Variants in TCF7L1 observed in about 807,000 individuals in gnomAD.
TCF7L1 encodes transcription factor 7-like 1.
A neutral mutation model predicts 63.7 loss-of-function variants in TCF7L1; 18 were observed. The observed-to-expected ratio is 0.28, with a 90% confidence interval of 0.20 to 0.42. The LOEUF is 0.42. TCF7L1 is among the 10% of genes least tolerant of loss of function. The pLI is 1.00. For synonymous variants in TCF7L1, 355 were observed against 340.9 expected, an observed-to-expected ratio of 1.04 and a Z score of -0.46; for missense variants, 654 against 779.3, an observed-to-expected ratio of 0.84 and a Z score of 1.91.
At chr2:85,241,437 GTTTTTTTTTTTTTT>G (rs772334481) in intron 3 of TCF7L1, among the ~76,000 whole-genome samples, 7 of 83,030 alleles carry the variant, frequency 8.4e-5, no homozygotes, top group South Asian at 5.0e-4. Flanking sequence ...CTTTGTTTTT[GTTTTTTTTTTTTTT>G]TTTTTTTTTT....
intron 3 of TCF7L1, among the ~76,000 whole-genome samples, chr2:85,241,544 T>A (rs890456255): frequency 4.7e-5 from 7 of 149,786 alleles, no homozygotes; most frequent in Non-Finnish European, 7.4e-5. Context: ...CCTCCCGGGT[T>A]CAAGCGATTC....
chr2:85,228,884 G>T (rs1190382687), intron 3 of TCF7L1, among the ~76,000 whole-genome samples: 2 of 151,544 alleles, frequency 1.3e-5, no homozygotes, highest in Admixed American at 1.3e-4. Flanking sequence ...AGCCGGGGAG[G>T]GTGGTGGGCG....
At chr2:85,194,191 C>T (rs1436627453) in intron 3 of TCF7L1, among the ~76,000 whole-genome samples, 1 of 152,078 alleles carries the variant, frequency 6.6e-6, no homozygotes, top group Non-Finnish European at 1.5e-5. Flanking sequence ...GGAGGGATTA[C>T]CTTCGGGAAA....
intron 8 of TCF7L1, among the ~76,000 whole-genome samples, chr2:85,305,605 G>A (rs531115436): frequency 1.3e-5 from 2 of 152,246 alleles, no homozygotes; most frequent in South Asian, 2.1e-4. Context: ...GGGACATGGT[G>A]CATCTTCTCT....
At chr2:85,222,001 G>A (rs995217701) in intron 3 of TCF7L1, among the ~76,000 whole-genome samples, 1 of 151,270 alleles carries the variant, frequency 6.6e-6, no homozygotes, top group Non-Finnish European at 1.5e-5. Context: ...CGTGGGCAGG[G>A]TGGAAATAGG....
rs145821032 is a variant in TCF7L1, at chr2:85,160,046, C to G, written c.441+25596C>G. On this transcript the variant is annotated intron_variant, in intron 3 of 11. Coordinates refer to ENST00000282111, the MANE Select transcript of TCF7L1 (RefSeq NM_031283.3). Reference sequence around the variant, plus strand: ...GTGCTTTTCTCACTCTACCTAAAGGCTTTTTTCCTTTCAAAAATTTTAAAT... The same window carrying G: ...GTGCTTTTCTCACTCTACCTAAAGGGTTTTTTCCTTTCAAAAATTTTAAAT... Among the ~76,000 whole-genome samples the G allele has an allele frequency of 8.8e-3, 1,346 of 152,310 alleles. 19 individuals are homozygous for G. Among genetic ancestry groups the G allele is most frequent in the African/African-American group, 0.031 (1,270 of 41,562 alleles).
At chr2:85,205,836 C>T (rs2104283674) in intron 3 of TCF7L1, among the ~76,000 whole-genome samples, 1 of 152,266 alleles carries the variant, frequency 6.6e-6, no homozygotes, top group Non-Finnish European at 1.5e-5. Context: ...ATTCTTTATT[C>T]TAGCTGCTCA....
intron 3 of TCF7L1, among the ~76,000 whole-genome samples, chr2:85,173,119 T>C (rs867591382): frequency 6.6e-6 from 1 of 152,252 alleles, no homozygotes; most frequent in Non-Finnish European, 1.5e-5. Flanking sequence ...CTGAGAAAAG[T>C]TAAACTTGCC....
chr2:85,146,219 C>T (rs1207716183), intron 3 of TCF7L1, among the ~76,000 whole-genome samples: 6 of 152,158 alleles, frequency 3.9e-5, no homozygotes, highest in African/African-American at 1.2e-4. Flanking sequence ...ATTATCACCT[C>T]GATTTTATCC....
In TCF7L1 at chr2:85,140,913, C is replaced by CACAG. The variant is rs1553393102; in HGVS notation, c.441+6464_441+6465insCAGA. The stretch of plus-strand genomic sequence containing the variant: ...AATAAGAGCGAAAGAGAGAGAGAGA[C>CACAG]AGAAGAGAGAAAGAAAAGAGAGTGT... On this transcript the variant is annotated intron_variant, in intron 3 of 11. Transcript: ENST00000282111. 2.3e-4 allele frequency among the ~76,000 whole-genome samples: 35 copies of CACAG among 151,434 alleles called. No individual in the cohort carries two copies. The East Asian group carries it at 6.6e-3, about 29-fold the overall frequency.
chr2:85,249,995 ATTG>A (rs1056580158), intron 3 of TCF7L1, among the ~76,000 whole-genome samples: 8 of 152,178 alleles, frequency 5.3e-5, no homozygotes, highest in African/African-American at 1.4e-4. Flanking sequence ...AACATTTGTT[ATTG>A]TTGTTTTTCT....
intron 4 of TCF7L1, among the ~76,000 whole-genome samples, chr2:85,285,661 G>T (rs750692050): frequency 1.8e-4 from 28 of 152,200 alleles, no homozygotes; most frequent in Non-Finnish European, 3.8e-4. Context: ...AGTGGTGCCA[G>T]TCAGCCCTGG....
intron 4 of TCF7L1, among the ~76,000 whole-genome samples, chr2:85,301,648 A>G (rs1241176939): frequency 2.6e-5 from 4 of 152,190 alleles, no homozygotes; most frequent in African/African-American, 9.7e-5. Context: ...TAGTGAGGTC[A>G]GCAGAGTAAA....
At chr2:85,150,766 A>G (rs1677991774) in intron 3 of TCF7L1, among the ~76,000 whole-genome samples, 1 of 152,170 alleles carries the variant, frequency 6.6e-6, no homozygotes, top group African/African-American at 2.4e-5. Flanking sequence ...CAAGAAAGTT[A>G]CTACTTTTCT....
At chr2:85,190,516 G>A (rs1021078410) in intron 3 of TCF7L1, among the ~76,000 whole-genome samples, 5 of 152,166 alleles carry the variant, frequency 3.3e-5, no homozygotes, top group Non-Finnish European at 5.9e-5. Context: ...GTGGAGATGG[G>A]AGAATGGACT....
intron 3 of TCF7L1, among the ~76,000 whole-genome samples, chr2:85,225,553 T>C (rs1250783031): frequency 1.3e-5 from 2 of 152,116 alleles, no homozygotes; most frequent in Non-Finnish European, 2.9e-5. Flanking sequence ...TGAATGGGAG[T>C]TCACTCATGA....
chr2:85,141,112 C>T (rs1163820451), intron 3 of TCF7L1, among the ~76,000 whole-genome samples: 4 of 152,026 alleles, frequency 2.6e-5, no homozygotes, highest in Non-Finnish European at 1.5e-5. Context: ...ATTGCAAGAC[C>T]CAATCTCTAA....
intron 3 of TCF7L1, among the ~76,000 whole-genome samples, chr2:85,139,229 G>A (rs901022124): frequency 6.6e-6 from 1 of 152,082 alleles, no homozygotes; most frequent in South Asian, 2.1e-4. Flanking sequence ...GGCTGGTCTC[G>A]AACTCCTGAC....
intron 3 of TCF7L1, among the ~76,000 whole-genome samples, chr2:85,196,085 C>T (rs987848221): frequency 2.6e-5 from 4 of 152,270 alleles, no homozygotes; most frequent in Admixed American, 1.3e-4. Context: ...GGACACTGTG[C>T]TGTTGATGTT....
Sources: allele counts gnomAD v4.1 joint callset (sites outside exome capture counted in the v4.1 genomes callset), GRCh38; gene constraint gnomAD v4.1.1; transcripts MANE v1.5; gene names NCBI Gene and HGNC (gene_info 2026-07-23, HGNC 2026-07-21).